NRG3: variants seen among roughly 807,000 people sequenced by gnomAD.
The protein encoded by NRG3 is pro-neuregulin-3, membrane-bound isoform.
Under a neutral mutation model 66.9 loss-of-function variants are expected in NRG3, and 31 were observed. That is an observed-to-expected ratio of 0.46 (90% CI 0.35 to 0.63). The LOEUF is 0.63. Ranked by LOEUF, NRG3 falls within the 20% of genes least tolerant of loss-of-function variation. The pLI is 0.00. For synonymous variants in NRG3, 393 were observed against 359.4 expected (o/e 1.09, Z -1.06); for missense variants, 910 against 878.9 (o/e 1.04, Z -0.45).
At chr10:82,178,284 C>T (rs1402747727) in intron 1 of NRG3, among the ~76,000 whole-genome samples, 1 of 152,056 alleles carries the variant, frequency 6.6e-6, no homozygotes, top group Non-Finnish European at 1.5e-5. Context: ...GTATAAAAGA[C>T]AGTATTAACT....
intron 1 of NRG3, among the ~76,000 whole-genome samples, chr10:82,209,992 A>G (rs571662545): frequency 2.6e-5 from 4 of 152,264 alleles, no homozygotes; most frequent in African/African-American, 9.6e-5. Context: ...AATCCTTTCA[A>G]TTAAAATTTG....
At chr10:82,120,899 G>A (rs945893888) in intron 1 of NRG3, among the ~76,000 whole-genome samples, 5 of 151,926 alleles carry the variant, frequency 3.3e-5, no homozygotes, top group Non-Finnish European at 5.9e-5. Context: ...ACATGCCTCC[G>A]TACCCATGTT....
chr10:82,952,471 C>CTGTG (rs60100337), intron 5 of NRG3, among the ~76,000 whole-genome samples: 4,096 of 98,692 alleles, frequency 0.042, 163 homozygotes, highest in Non-Finnish European at 0.047. Flanking sequence ...CTCTCTCTCT[C>CTGTG]TGTGTGTGTG....
At chr10:82,295,282 T>C (rs568444643) in intron 1 of NRG3, among the ~76,000 whole-genome samples, 1 of 152,252 alleles carries the variant, frequency 6.6e-6, no homozygotes, top group Admixed American at 6.5e-5. Context: ...TGGGATTCCA[T>C]GGAAAAGGAC....
chr10:82,190,869 C>T (rs1426492696), intron 1 of NRG3, among the ~76,000 whole-genome samples: 1 of 152,254 alleles, frequency 6.6e-6, no homozygotes, highest in African/African-American at 2.4e-5. Flanking sequence ...CTCATTTTTC[C>T]CCTCATGCAC....
intron 2 of NRG3, among the ~76,000 whole-genome samples, chr10:82,471,276 G>A (rs978912974): frequency 3.3e-5 from 5 of 152,126 alleles, no homozygotes; most frequent in East Asian, 1.9e-4. Flanking sequence ...GAGGCCAGGC[G>A]CCTCTCCCCT....
intron 1 of NRG3, among the ~76,000 whole-genome samples, chr10:82,059,620 A>G (rs951818685): frequency 2.6e-5 from 4 of 152,104 alleles, no homozygotes; most frequent in Admixed American, 6.6e-5. Flanking sequence ...TCCATTCCCA[A>G]TTTTACTTCT....
At chr10:82,276,263 G>A (rs1424080500) in intron 1 of NRG3, among the ~76,000 whole-genome samples, 1 of 151,820 alleles carries the variant, frequency 6.6e-6, no homozygotes, top group East Asian at 1.9e-4. Context: ...TTCAAGAATG[G>A]CCACACTCTT....
intron 3 of NRG3, among the ~76,000 whole-genome samples, chr10:82,760,693 A>G (rs183677764): frequency 6.6e-6 from 1 of 152,136 alleles, no homozygotes; most frequent in Admixed American, 6.5e-5. Context: ...AAAATAAATA[A>G]ATAGAGAATA....
intron 1 of NRG3, among the ~76,000 whole-genome samples, chr10:82,349,386 G>A (rs1208072982): frequency 1.3e-5 from 2 of 151,148 alleles, no homozygotes; most frequent in African/African-American, 2.4e-5. Flanking sequence ...CGGGGGTCAG[G>A]GGTCAGGGAC....
intron 1 of NRG3, among the ~76,000 whole-genome samples, chr10:82,144,223 T>C (rs775976050): frequency 3.9e-5 from 6 of 152,162 alleles, no homozygotes; most frequent in Middle Eastern, 3.2e-3. Context: ...TCTTGTCAAC[T>C]ACTATGTGGT....
At chr10:82,435,410 T>C (rs2090072761) in intron 2 of NRG3, among the ~76,000 whole-genome samples, 1 of 152,120 alleles carries the variant, frequency 6.6e-6, no homozygotes, top group Admixed American at 6.6e-5. Context: ...CCTGGACTCA[T>C]TGATTTTTTG....
At chr10:82,025,874 TTA>T (rs747856362) in intron 1 of NRG3, among the ~76,000 whole-genome samples, 3 of 152,004 alleles carry the variant, frequency 2.0e-5, no homozygotes, top group Non-Finnish European at 2.9e-5. Context: ...GCTGGTGAGA[TTA>T]TATAGCACCC....
chr10:82,032,352 A>G (rs1000078925), intron 1 of NRG3, among the ~76,000 whole-genome samples: 1 of 151,806 alleles, frequency 6.6e-6, no homozygotes, highest in Non-Finnish European at 1.5e-5. Flanking sequence ...AAAAGTACAA[A>G]GGAAGTTTTT....
intron 2 of NRG3, among the ~76,000 whole-genome samples, chr10:82,430,135 G>C (rs1270399405): frequency 6.6e-6 from 1 of 152,038 alleles, no homozygotes; most frequent in African/African-American, 2.4e-5. Context: ...ATTTATAATA[G>C]GTCATTCAAT....
intron 2 of NRG3, among the ~76,000 whole-genome samples, chr10:82,709,710 C>G (rs1157173639): frequency 6.6e-6 from 1 of 152,068 alleles, no homozygotes; most frequent in East Asian, 1.9e-4. Context: ...ATACCATGTC[C>G]CACTAGTTGC....
chr10:81,932,917 G>A (rs557118965), intron 1 of NRG3, among the ~76,000 whole-genome samples: 32 of 152,078 alleles, frequency 2.1e-4, no homozygotes, highest in Admixed American at 4.6e-4. Context: ...GACCAGCCTG[G>A]CCAAGATGGT....
At chr10:82,962,047 G>A (rs895408347) in intron 6 of NRG3, among the ~76,000 whole-genome samples, 7 of 152,146 alleles carry the variant, frequency 4.6e-5, no homozygotes, top group African/African-American at 1.7e-4. Flanking sequence ...TCATGGAAAT[G>A]GGTTTCACTT....
At chr10:82,981,053 C>T (rs1019334429) in intron 8 of NRG3, among the ~76,000 whole-genome samples, 3 of 152,138 alleles carry the variant, frequency 2.0e-5, no homozygotes, top group African/African-American at 7.2e-5. Context: ...CTCATGCTGG[C>T]CTTTTTTTTC....
Sources: gnomAD v4.1 joint callset for allele counts (sites outside exome capture counted in the v4.1 genomes callset) on GRCh38, gnomAD v4.1.1 for gene constraint, MANE v1.5 for transcripts, NCBI Gene and HGNC (gene_info 2026-07-23, HGNC 2026-07-21) for gene names.